Variants in NACC2 observed in about 807,000 individuals in gnomAD.
NACC2 encodes nucleus accumbens-associated protein 2.
NACC2 carries 8 observed loss-of-function variants against 25.1 expected under a neutral mutation model. The observed-to-expected ratio is 0.32, with a 90% CI of 0.19 to 0.57. The LOEUF (loss-of-function observed/expected upper bound fraction) is 0.57. Among genes scored for constraint, NACC2 ranks in the 20% least tolerant of loss-of-function variants. The pLI, the probability that NACC2 is intolerant of heterozygous loss-of-function variation, is 0.89. For missense variants in NACC2, 644 were observed against 650.2 expected, an observed-to-expected ratio of 0.99 and a Z score of 0.10; for synonymous variants, 435 against 294.7, an observed-to-expected ratio of 1.48 and a Z score of -4.88.
intron 2 of NACC2, among the ~76,000 whole-genome samples, chr9:136,046,061 C>G (rs1289266931): frequency 1.3e-5 from 2 of 152,176 alleles, no homozygotes; most frequent in Non-Finnish European, 2.9e-5. Flanking sequence ...GAAGAGGGCC[C>G]GAAGAGGAAA....
intron 1 of NACC2, among the ~76,000 whole-genome samples, chr9:136,083,121 C>T (rs538204380): frequency 2.0e-5 from 3 of 152,346 alleles, no homozygotes; most frequent in African/African-American, 7.2e-5. Context: ...CCCTCTTCCT[C>T]GATGCCAGAA....
chr9:136,015,209 G>C (rs762261266), intron 3 of NACC2, among the ~76,000 whole-genome samples: 1 of 152,310 alleles, frequency 6.6e-6, no homozygotes, highest in African/African-American at 2.4e-5. Flanking sequence ...TGGGATGACC[G>C]AGAGCATCTT....
In NACC2 at chr9:136,035,047, T is replaced by C. The variant is rs938030288; in HGVS notation, c.886+14589A>G. On this transcript the variant is annotated intron_variant, in intron 2 of 5. Transcript: ENST00000277554. ...AGGCAGAGGTTGCAGTGAGCTGATA[T>C]CACGCCACTGCACTCCAGCCTGGGT... 1.5e-4 allele frequency among the ~76,000 whole-genome samples: 23 copies of C among 152,242 alleles called. No homozygotes were observed. The South Asian group carries it at 4.4e-3, about 29-fold the overall frequency.
At chr9:136,088,080 G>A (rs1286562088) in intron 1 of NACC2, among the ~76,000 whole-genome samples, 1 of 152,242 alleles carries the variant, frequency 6.6e-6, no homozygotes, top group Admixed American at 6.5e-5. Context: ...ATGCACGGAG[G>A]TCAGCAGTAT....
intron 2 of NACC2, among the ~76,000 whole-genome samples, chr9:136,026,270 G>C (rs1409446519): frequency 6.6e-6 from 1 of 150,710 alleles, no homozygotes; most frequent in Non-Finnish European, 1.5e-5. Context: ...GAACCCAGCG[G>C]GGGTGGAGGT....
At position 136,016,426 on chromosome 9, in the gene NACC2, T is replaced by C; in HGVS notation, c.890A>G (p.Gln297Arg). The change falls in exon 3 of 6, where the codon CAA (glutamine) becomes CGA (arginine). Residue 297 changes from glutamine (Q) to arginine (R), a missense_variant. Coordinates refer to ENST00000277554, the MANE Select transcript of NACC2 (RefSeq NM_144653.5). ...CAGCGGCACTGGCTCAGGCTTCTCT[T>C]GCACTGTGGGCCCAGAACCAACCTG... ...YIKASGSYAVQEKPEPVPLES... is the reference protein window; with the variant it reads ...YIKASGSYAVREKPEPVPLES... 1 of 1,610,920 alleles carries C rather than the reference T, an allele frequency of 6.2e-7. No homozygotes were observed. Among genetic ancestry groups the C allele is most frequent in the African/African-American group, 1.3e-5 (1 of 74,970 alleles).
intron 1 of NACC2, among the ~76,000 whole-genome samples, chr9:136,093,169 G>C (rs1350692451): frequency 6.6e-6 from 1 of 152,152 alleles, no homozygotes; most frequent in South Asian, 2.1e-4. Flanking sequence ...CCTCGGGCCT[G>C]GGAGACCACA....
intron 1 of NACC2, among the ~76,000 whole-genome samples, chr9:136,066,807 G>A (rs1841088133): frequency 6.6e-6 from 1 of 152,188 alleles, no homozygotes; most frequent in African/African-American, 2.4e-5. Flanking sequence ...TGATAGGAAT[G>A]AAGTACTGGG....
intron 1 of NACC2, among the ~76,000 whole-genome samples, chr9:136,092,285 C>T (rs1181185671): frequency 1.3e-5 from 2 of 152,170 alleles, no homozygotes; most frequent in Admixed American, 6.5e-5. Context: ...CACTCACCGC[C>T]GGGGAGCCTG....
At chr9:136,041,961 C>T (rs1462654748) in intron 2 of NACC2, among the ~76,000 whole-genome samples, 1 of 152,122 alleles carries the variant, frequency 6.6e-6, no homozygotes, top group African/African-American at 2.4e-5. Flanking sequence ...AGTTAGAGAT[C>T]AGCAAACAGC....
intron 2 of NACC2, among the ~76,000 whole-genome samples, chr9:136,024,683 T>C (rs916979089): frequency 6.6e-6 from 1 of 152,126 alleles, no homozygotes; most frequent in Non-Finnish European, 1.5e-5. Flanking sequence ...TATGCAAAAA[T>C]AAATATATTT....
At chr9:136,070,666 CAG>C (rs1841139167) in intron 1 of NACC2, among the ~76,000 whole-genome samples, 1 of 35,774 alleles carries the variant, frequency 2.8e-5, no homozygotes, top group African/African-American at 5.3e-5. Flanking sequence ...CTCAAGGAAT[CAG>C]AAAAAAAAAA....
rs1485301255 is a variant in NACC2, at chr9:136,018,449, C to A, written c.887-2020G>T. On this transcript the variant is annotated intron_variant, in intron 2 of 5. Transcript: ENST00000277554. The surrounding 1 kb of genome is among the most constrained non-coding windows in gnomAD (Gnocchi z 4.4). Reference sequence around the variant, plus strand: ...TCCACAGCGGGCGCCCCACTGAAGGCAGCAGGTGTTCCACTCCTGAGAACC... The same window carrying A: ...TCCACAGCGGGCGCCCCACTGAAGGAAGCAGGTGTTCCACTCCTGAGAACC... Among the ~76,000 whole-genome samples the A allele has an allele frequency of 6.6e-6, 1 of 152,106 alleles. No individual in the cohort carries two copies. The highest frequency in any genetic ancestry group is 6.5e-5 in the Admixed American group (1 of 15,276).
At chr9:136,044,606 C>T (rs1186491429) in intron 2 of NACC2, among the ~76,000 whole-genome samples, 2 of 152,166 alleles carry the variant, frequency 1.3e-5, no homozygotes, top group South Asian at 4.1e-4. Context: ...GTGCGGACGC[C>T]CCCGTCCCAG....
intron 1 of NACC2, among the ~76,000 whole-genome samples, chr9:136,071,612 A>G (rs1841153641): frequency 6.6e-6 from 1 of 151,966 alleles, no homozygotes; most frequent in African/African-American, 2.4e-5. Context: ...ATTCTTAAAT[A>G]TATATGAAAA....
At chr9:136,035,889 G>A (rs901168382) in intron 2 of NACC2, among the ~76,000 whole-genome samples, 3 of 152,114 alleles carry the variant, frequency 2.0e-5, no homozygotes, top group African/African-American at 7.2e-5. Context: ...CAACTTTTCT[G>A]CAAGTTGAAA....
rs1564214266 is a variant in NACC2, at chr9:136,010,052, C to A, written c.*1464G>T. The A allele has an allele frequency of 6.6e-6, 1 of 152,210 alleles. No individual in the cohort carries two copies. The highest frequency in any genetic ancestry group is 1.5e-5 in the Non-Finnish European group (1 of 68,068). 9.4% of individuals were successfully genotyped at this position (152,210 alleles called of 1,614,324 possible). ...ACACCTGGGTAGGTGGCCACACCAGCACTTCACACAGGACTTCACACAGTC... is the reference window on the plus strand; with the variant it reads ...ACACCTGGGTAGGTGGCCACACCAGAACTTCACACAGGACTTCACACAGTC... On this transcript the variant is annotated 3_prime_UTR_variant, in exon 6 of 6. Transcript: ENST00000277554. The surrounding 1 kb of genome is among the most constrained non-coding windows in gnomAD (Gnocchi z 4.9).
intron 2 of NACC2, among the ~76,000 whole-genome samples, chr9:136,045,707 G>A (rs1261864728): frequency 3.9e-5 from 6 of 152,246 alleles, no homozygotes; most frequent in East Asian, 3.9e-4. Context: ...ACAGGTGCCC[G>A]TCCTCAGCTT....
chr9:136,088,065 A>G (rs1830397594), intron 1 of NACC2, among the ~76,000 whole-genome samples: 1 of 152,240 alleles, frequency 6.6e-6, no homozygotes, highest in African/African-American at 2.4e-5. Context: ...AGTGGCTGTC[A>G]TCTCATGCAC....
Sources: allele counts gnomAD v4.1 joint callset (sites outside exome capture counted in the v4.1 genomes callset), GRCh38; gene constraint gnomAD v4.1.1; non-coding constraint Gnocchi (gnomAD v3.1); transcripts MANE v1.5; gene names NCBI Gene and HGNC (gene_info 2026-07-23, HGNC 2026-07-21).